Variants in SDCCAG8 observed in about 807,000 individuals in gnomAD.
SDCCAG8 encodes serologically defined colon cancer antigen 8.
Under a neutral mutation model 101.8 loss-of-function variants are expected in SDCCAG8, and 74 were observed. The observed-to-expected ratio is 0.73, with a 90% CI of 0.60 to 0.88. SDCCAG8 has a LOEUF of 0.88. Among genes scored for constraint, SDCCAG8 ranks in the 40% least tolerant of loss-of-function variants. The pLI is 0.00. For synonymous variants in SDCCAG8, 281 were observed against 292.9 expected (o/e 0.96, Z 0.41); for missense variants, 787 against 822.6 (o/e 0.96, Z 0.53).
At chr1:243,471,975 C>T (rs1167935951) in intron 16 of SDCCAG8, among the ~76,000 whole-genome samples, 3 of 152,184 alleles carry the variant, frequency 2.0e-5, no homozygotes. Context: ...CAACTGTGGT[C>T]AGGTTCTCAG....
chr1:243,292,485 G>C (rs2070373910), intron 5 of SDCCAG8, among the ~76,000 whole-genome samples: 1 of 152,112 alleles, frequency 6.6e-6, no homozygotes, highest in Admixed American at 6.5e-5. Flanking sequence ...TCAGGAACCA[G>C]GGACAGAGAC....
chr1:243,477,554 A>G (rs1662682597), intron 16 of SDCCAG8, among the ~76,000 whole-genome samples: 1 of 152,250 alleles, frequency 6.6e-6, no homozygotes, highest in South Asian at 2.1e-4. Flanking sequence ...TATTTTAAGA[A>G]GGTTACAAGG....
At chr1:243,490,161 A>G (rs1176105158) in intron 17 of SDCCAG8, among the ~76,000 whole-genome samples, 3 of 152,260 alleles carry the variant, frequency 2.0e-5, no homozygotes, top group African/African-American at 7.2e-5. Context: ...GTGCTCAAGG[A>G]ACCTGTAAGT....
chr1:243,492,604 GTTTTTTTTT>G (rs74162289), intron 17 of SDCCAG8, among the ~76,000 whole-genome samples: 22 of 58,866 alleles, frequency 3.7e-4, no homozygotes, highest in African/African-American at 1.4e-3. Flanking sequence ...GCGCCCAGCT[GTTTTTTTTT>G]TTTTTTTTTT....
intron 12 of SDCCAG8, among the ~76,000 whole-genome samples, chr1:243,371,103 T>C (rs1411739938): frequency 3.3e-5 from 5 of 152,098 alleles, no homozygotes; most frequent in Admixed American, 2.0e-4. Context: ...GCTTTGCACA[T>C]TGAGATCCTT....
At chr1:243,332,327 C>T (rs1211638338) in intron 10 of SDCCAG8, among the ~76,000 whole-genome samples, 1 of 152,206 alleles carries the variant, frequency 6.6e-6, no homozygotes, top group African/African-American at 2.4e-5. Context: ...TTGTCAGTGT[C>T]ACGATGCCAT....
At chr1:243,408,015 C>T (rs765930880) in intron 13 of SDCCAG8, among the ~76,000 whole-genome samples, 1 of 152,122 alleles carries the variant, frequency 6.6e-6, no homozygotes, top group Non-Finnish European at 1.5e-5. Context: ...AGACATCATG[C>T]TGTCTACCAA....
chr1:243,454,373 T>G (rs886164001), intron 16 of SDCCAG8, among the ~76,000 whole-genome samples: 1 of 152,152 alleles, frequency 6.6e-6, no homozygotes, highest in South Asian at 2.1e-4. Flanking sequence ...GAGTTTCCTC[T>G]TCCCGGGACT....
At chr1:243,382,184 G>T (rs1367885361) in intron 13 of SDCCAG8, among the ~76,000 whole-genome samples, 2 of 152,110 alleles carry the variant, frequency 1.3e-5, no homozygotes, top group African/African-American at 4.8e-5. Context: ...CCGGAGTTTC[G>T]CCCATTCTGA....
At chr1:243,295,145 T>G (rs1234563810) in intron 6 of SDCCAG8, among the ~76,000 whole-genome samples, 1 of 152,198 alleles carries the variant, frequency 6.6e-6, no homozygotes, top group Admixed American at 6.5e-5. Flanking sequence ...ACTTAATACC[T>G]ATAGGATAAA....
At chr1:243,446,220 A>ATGG (rs2082892315) in intron 16 of SDCCAG8, among the ~76,000 whole-genome samples, 1 of 152,188 alleles carries the variant, frequency 6.6e-6, no homozygotes, top group Admixed American at 6.5e-5. Flanking sequence ...ATAACATAAT[A>ATGG]ACTGGTTAAG....
chr1:243,270,235 C>T lies in SDCCAG8; in HGVS notation c.198C>T (p.Pro66=), dbSNP rs201715098. 18 of 1,614,032 alleles carry T rather than the reference C, an allele frequency of 1.1e-5. No individual in the cohort carries two copies. Among genetic ancestry groups the T allele is most frequent in the East Asian group, 2.2e-5 (1 of 44,874 alleles). The change falls in exon 2 of 18, where the codon CCC becomes CCT. Residue 66 remains proline, a synonymous_variant. Transcript: ENST00000366541. ...VGNEDARTAW[P]ELQQSHAVNQ... is the part of the protein sequence containing the mutation. ...ATGAGGACGCCAGGACAGCCTGGCC[C>T]GAATTACAACAGAGCCATGCTGGTG... is the stretch of plus-strand genomic sequence containing the variant.
chr1:243,333,495 G>A lies in SDCCAG8; in HGVS notation c.1221+2803G>A, dbSNP rs758214241. Among the ~76,000 whole-genome samples, 14 of 152,180 alleles carry A rather than the reference G, an allele frequency of 9.2e-5. No homozygotes were observed. The East Asian group carries it at 1.3e-3, about 15-fold the overall frequency. On this transcript the variant is annotated intron_variant, in intron 10 of 17. Transcript: ENST00000366541. Reference sequence around the variant, plus strand: ...ATGTGCAGCCAAGGTTGGAAACCACGTCAGTAATTCCATCTCCCTCTTTGA... The same window carrying A: ...ATGTGCAGCCAAGGTTGGAAACCACATCAGTAATTCCATCTCCCTCTTTGA...
chr1:243,441,334 G>T (rs1281924108), intron 16 of SDCCAG8, among the ~76,000 whole-genome samples: 5 of 152,152 alleles, frequency 3.3e-5, no homozygotes, highest in Non-Finnish European at 7.4e-5. Flanking sequence ...TGTTCATGCT[G>T]AATTGTTTTC....
intron 17 of SDCCAG8, among the ~76,000 whole-genome samples, chr1:243,495,388 A>G (rs1003573152): frequency 4.6e-5 from 7 of 152,176 alleles, no homozygotes; most frequent in Non-Finnish European, 1.0e-4. Context: ...GGAGCCCAGA[A>G]GCAGCAAAGC....
chr1:243,259,218 G>A (rs1304846751), intron 1 of SDCCAG8, among the ~76,000 whole-genome samples: 4 of 151,086 alleles, frequency 2.6e-5, no homozygotes, highest in Admixed American at 6.6e-5. Context: ...TGGCTAACAC[G>A]GTGAAACCCC....
At position 243,499,887 on chromosome 1, in the gene SDCCAG8, ACACC is replaced by A; in HGVS notation, c.*103_*106del. On this transcript the variant is annotated 3_prime_UTR_variant, in exon 18 of 18. Coordinates refer to ENST00000366541, the MANE Select transcript of SDCCAG8 (RefSeq NM_006642.5). ...AACGCACCACGACCTTCCCAGGGTGACACCGCCTCAGCCTGCAGTGGGGCTGGTC... is the reference window on the plus strand; with the variant it reads ...AACGCACCACGACCTTCCCAGGGTGAGCCTCAGCCTGCAGTGGGGCTGGTC... 4 of 1,134,566 alleles carry A rather than the reference ACACC, an allele frequency of 3.5e-6. No individual in the cohort carries two copies. The highest frequency in any genetic ancestry group is 5.2e-6 in the Non-Finnish European group (4 of 763,680). 70.3% of individuals were successfully genotyped at this position (1,134,566 alleles called of 1,614,324 possible). A position where few individuals can be genotyped will look rare whatever the true frequency, so the allele number is the denominator to read the frequency against.
At chr1:243,394,611 G>A (rs2147953238) in intron 13 of SDCCAG8, among the ~76,000 whole-genome samples, 1 of 152,282 alleles carries the variant, frequency 6.6e-6, no homozygotes, top group African/African-American at 2.4e-5. Context: ...ATCATTTACA[G>A]TTCTTAGAAA....
chr1:243,404,639 T>C (rs1196236537), intron 13 of SDCCAG8, among the ~76,000 whole-genome samples: 1 of 152,116 alleles, frequency 6.6e-6, no homozygotes, highest in Non-Finnish European at 1.5e-5. Context: ...ACCTCCAGAA[T>C]TGTGTGCAAA....
Sources: gnomAD v4.1 joint callset for allele counts (sites outside exome capture counted in the v4.1 genomes callset) on GRCh38, gnomAD v4.1.1 for gene constraint, MANE v1.5 for transcripts, NCBI Gene and HGNC (gene_info 2026-07-23, HGNC 2026-07-21) for gene names.